Variants in DYSF observed in about 807,000 individuals in gnomAD.
DYSF encodes dystrophy-associated fer-1-like 1.
DYSF carries 212 observed loss-of-function variants against 274.9 expected under a neutral mutation model. The ratio of observed to expected loss-of-function variants is 0.77; its 90% CI spans 0.69 to 0.86. The LOEUF (loss-of-function observed/expected upper bound fraction) is 0.86, where lower values mean the gene tolerates loss of function less well. DYSF is among the 40% of genes least tolerant of loss of function. The probability of loss-of-function intolerance (pLI) is 0.00; values close to 1 mark genes in which losing one functional copy is unlikely to be tolerated. For synonymous variants in DYSF, 1,091 were observed against 1,078.7 expected (o/e 1.01, Z -0.22); for missense variants, 2,666 against 2,783.2 (o/e 0.96, Z 0.95).
chr2:71,646,845 CA>C (rs2094574671), intron 42 of DYSF, among the ~76,000 whole-genome samples: 1 of 152,056 alleles, frequency 6.6e-6, no homozygotes, highest in Admixed American at 6.5e-5. Context: ...ACATCTAAAA[CA>C]ATACAACTTA....
At chr2:71,545,829 AGT>A (rs1219434517) in intron 17 of DYSF, among the ~76,000 whole-genome samples, 5 of 151,874 alleles carry the variant, frequency 3.3e-5, no homozygotes, top group Non-Finnish European at 5.9e-5. Context: ...TGTCCGCATG[AGT>A]GTGTTGGTGG....
chr2:71,488,714 C>T (rs561174622), intron 3 of DYSF, among the ~76,000 whole-genome samples: 1 of 152,260 alleles, frequency 6.6e-6, no homozygotes, highest in East Asian at 1.9e-4. Context: ...GTCAGGATTG[C>T]CTTTAAAGAC....
At chr2:71,620,681 G>GTTTTGGTGGT in intron 41 of DYSF, 72 bp downstream of exon 41, 1 of 1,015,278 alleles carries the variant, frequency 9.8e-7, no homozygotes, top group Non-Finnish European at 1.4e-6. Flanking sequence ...GGTTAGGAGG[G>GTTTTGGTGGT]AAATGGGAGG....
intron 32 of DYSF, among the ~76,000 whole-genome samples, chr2:71,596,097 G>T (rs1335502459): frequency 1.3e-5 from 2 of 151,858 alleles, no homozygotes; most frequent in Non-Finnish European, 1.5e-5. Context: ...AGGCCTCCAG[G>T]CCTGCTCTTT....
At chr2:71,560,420 C>T (rs1043213132) in intron 22 of DYSF, among the ~76,000 whole-genome samples, 2 of 149,896 alleles carry the variant, frequency 1.3e-5, no homozygotes, top group Admixed American at 6.6e-5. Flanking sequence ...CAGGCAGGCC[C>T]CCGCCCCGCT....
intron 3 of DYSF, among the ~76,000 whole-genome samples, chr2:71,498,118 T>A (rs2084598183): frequency 6.6e-6 from 1 of 152,150 alleles, no homozygotes; most frequent in Non-Finnish European, 1.5e-5. Context: ...TGGGTCCTGT[T>A]AAGAATTCCT....
intron 46 of DYSF, among the ~76,000 whole-genome samples, 199 bp downstream of exon 46, chr2:71,664,637 G>A (rs2094962361): frequency 6.6e-6 from 1 of 152,212 alleles, no homozygotes; most frequent in South Asian, 2.1e-4. Context: ...GTTATTGCTT[G>A]TAAGTGGTGG....
intron 2 of DYSF, 52 bp downstream of exon 2, chr2:71,480,990 G>T (rs1282673325): frequency 1.3e-6 from 2 of 1,570,896 alleles, no homozygotes; most frequent in Non-Finnish European, 1.8e-6. Context: ...AGTTGTGTCT[G>T]CAGGGACAAG....
At chr2:71,481,571 T>G (rs2082899491) in intron 2 of DYSF, among the ~76,000 whole-genome samples, 1 of 152,244 alleles carries the variant, frequency 6.6e-6, no homozygotes, top group African/African-American at 2.4e-5. Context: ...CACTCCTGGC[T>G]TGGCTTCCTG....
chr2:71,572,003 A>G (rs2092505279), intron 29 of DYSF, among the ~76,000 whole-genome samples: 1 of 148,342 alleles, frequency 6.7e-6, no homozygotes, highest in Admixed American at 6.7e-5. Context: ...CACCCAGCAC[A>G]GATCACACTC....
chr2:71,640,285 G>A (rs1445142978), intron 41 of DYSF, among the ~76,000 whole-genome samples: 1 of 152,204 alleles, frequency 6.6e-6, no homozygotes, highest in Non-Finnish European at 1.5e-5. Flanking sequence ...TCTTTATAAT[G>A]CTAAGAAAGC....
rs963624004 is a variant in DYSF, at chr2:71,615,640, T to A, written c.4464+2230T>A. ...TTCACTCACTCGCCTCTCCTCCCTG[T>A]CCCTGGCACTCTGAAGGACAGGCGC... On this transcript the variant is annotated intron_variant, in intron 40 of 55. Transcript: ENST00000410020. The surrounding 1 kb of genome is among the most constrained non-coding windows in gnomAD (Gnocchi z 4.9). 3.9e-5 allele frequency among the ~76,000 whole-genome samples: 6 copies of A among 152,162 alleles called. No homozygotes were observed. The highest frequency in any genetic ancestry group is 1.4e-4 in the African/African-American group (6 of 41,444).
intron 41 of DYSF, among the ~76,000 whole-genome samples, chr2:71,623,314 G>C (rs62145901): frequency 7.3e-6 from 1 of 136,488 alleles, no homozygotes. Flanking sequence ...TCCCAATGCT[G>C]TCCCTCCCCC....
At chr2:71,603,002 G>A (rs2093582157) in intron 36 of DYSF, among the ~76,000 whole-genome samples, 197 bp downstream of exon 36, 1 of 152,200 alleles carries the variant, frequency 6.6e-6, no homozygotes, top group African/African-American at 2.4e-5. Flanking sequence ...GGTGATCCTG[G>A]TCTAAGAAGG....
intron 17 of DYSF, 75 bp downstream of exon 17, chr2:71,539,314 T>C (rs1365954710): frequency 1.7e-5 from 22 of 1,332,280 alleles, no homozygotes; most frequent in African/African-American, 2.9e-5. Context: ...CTTACACTTC[T>C]AGTTTTGAGA....
chr2:71,559,164 C>G (rs2091546213), intron 22 of DYSF, among the ~76,000 whole-genome samples: 1 of 152,202 alleles, frequency 6.6e-6, no homozygotes, highest in Non-Finnish European at 1.5e-5. Context: ...TCTCTGATCT[C>G]TAGACCTATG....
intron 2 of DYSF, 92 bp from the exon 3 acceptor site, chr2:71,481,787 A>G (rs544045929): frequency 1.0e-6 from 1 of 962,514 alleles, no homozygotes; most frequent in Admixed American, 1.9e-5. Context: ...ATGAATGCCT[A>G]CTCAGTGCCC....
intron 4 of DYSF, among the ~76,000 whole-genome samples, chr2:71,508,745 T>A (rs1273493758): frequency 6.6e-6 from 1 of 152,256 alleles, no homozygotes; most frequent in Non-Finnish European, 1.5e-5. Flanking sequence ...GTGTCCCCGC[T>A]AATCGTTCAT....
At chr2:71,659,249 T>C (rs1469816842) in intron 44 of DYSF, among the ~76,000 whole-genome samples, 1 of 151,890 alleles carries the variant, frequency 6.6e-6, no homozygotes, top group Non-Finnish European at 1.5e-5. Flanking sequence ...TTTGGGAAAA[T>C]GGGGAAGGCT....
Sources: allele counts gnomAD v4.1 joint callset (sites outside exome capture counted in the v4.1 genomes callset), GRCh38; gene constraint gnomAD v4.1.1; non-coding constraint Gnocchi (gnomAD v3.1); transcripts MANE v1.5; gene names NCBI Gene and HGNC (gene_info 2026-07-23, HGNC 2026-07-21).